RMDN1: variants seen among roughly 807,000 people sequenced by gnomAD.
The protein encoded by RMDN1 is regulator of microtubule dynamics 1.
RMDN1 carries 48 observed loss-of-function variants against 48.9 expected under a neutral mutation model. The observed-to-expected ratio is 0.98, with a 90% CI of 0.78 to 1.25. RMDN1 has a LOEUF of 1.25. Ranked by LOEUF, RMDN1 falls within the 50% of genes most tolerant of loss-of-function variation. The probability of loss-of-function intolerance (pLI) is 0.00; values close to 1 mark genes in which losing one functional copy is unlikely to be tolerated. For synonymous variants in RMDN1, 148 were observed against 132.6 expected (o/e 1.12, Z -0.80); for missense variants, 418 against 373.4 (o/e 1.12, Z -0.98).
chr8:86,476,063 T>C (rs1237628042), intron 8 of RMDN1, among the ~76,000 whole-genome samples: 2 of 152,208 alleles, frequency 1.3e-5, no homozygotes, highest in Non-Finnish European at 2.9e-5. Flanking sequence ...GCCTCTGAAC[T>C]GAATATAGGC....
At chr8:86,510,913 A>T (rs1820019985), upstream of RMDN1, among the ~76,000 whole-genome samples, 1 of 152,204 alleles carries the variant, frequency 6.6e-6, no homozygotes, top group African/African-American at 2.4e-5. Flanking sequence ...GCTTGAGCCC[A>T]GGATGTTTGA....
upstream of RMDN1, among the ~76,000 whole-genome samples, chr8:86,512,834 G>A (rs1820118540): frequency 1.3e-5 from 2 of 151,932 alleles, no homozygotes; most frequent in Admixed American, 1.3e-4. Flanking sequence ...AGCACTCTGG[G>A]AGGCCAAGGC....
At chr8:86,501,696 T>C (rs887302533) in intron 2 of RMDN1, among the ~76,000 whole-genome samples, 1 of 141,780 alleles carries the variant, frequency 7.1e-6, no homozygotes, top group African/African-American at 2.5e-5. Flanking sequence ...TAATCTCCAC[T>C]CTAACATTTT....
chr8:86,503,399 A>T (rs1818732032), intron 2 of RMDN1, among the ~76,000 whole-genome samples: 2 of 149,502 alleles, frequency 1.3e-5, no homozygotes, highest in South Asian at 4.2e-4. Context: ...ACAAAAAAAA[A>T]TAACAAAAAT....
downstream of RMDN1, among the ~76,000 whole-genome samples, chr8:86,471,472 A>ATTAT (rs1194454342): frequency 2.6e-5 from 4 of 152,188 alleles, no homozygotes; most frequent in Non-Finnish European, 5.9e-5. Flanking sequence ...TATGAATTAA[A>ATTAT]TTATTAGATA....
chr8:86,508,298 G>A, intron 1 of RMDN1, 194 bp downstream of exon 1: 1 of 537,536 alleles, frequency 1.9e-6, no homozygotes, highest in Non-Finnish European at 3.1e-6. Context: ...TTCTCTGACA[G>A]CCCCAGTTAA....
In RMDN1 at chr8:86,473,906, T is replaced by A; in HGVS notation, c.*402A>T. The A allele has an allele frequency of 2.0e-6, 2 of 1,001,184 alleles. No homozygotes were observed. The highest frequency in any genetic ancestry group is 2.4e-6 in the Non-Finnish European group (2 of 840,416). The allele number at this position is 1,001,184 out of a possible 1,614,324, so 62.0% of individuals were successfully genotyped here. On this transcript the variant is annotated 3_prime_UTR_variant, in exon 10 of 10. Coordinates refer to ENST00000406452, the MANE Select transcript of RMDN1 (RefSeq NM_016033.3). ...CATCCTAACCACTGTCACCACACCT[T>A]CTCTTCAAGATTTCAACTTAGAATC...
intron 2 of RMDN1, among the ~76,000 whole-genome samples, chr8:86,502,880 G>T (rs543638754): frequency 4.2e-4 from 64 of 152,104 alleles, no homozygotes; most frequent in Admixed American, 1.8e-3. Flanking sequence ...CTTTAAAAAT[G>T]TAAAAGAATA....
At chr8:86,489,458 T>C (rs1816081504) in intron 2 of RMDN1, among the ~76,000 whole-genome samples, 1 of 152,244 alleles carries the variant, frequency 6.6e-6, no homozygotes, top group African/African-American at 2.4e-5. Flanking sequence ...ATAAGGGTAC[T>C]GTACTACTTA....
chr8:86,472,456 TC>T lies in RMDN1; in HGVS notation c.*1851del, dbSNP rs1355712278. 7.1e-6 allele frequency: 5 copies of T among 702,530 alleles called. No individual in the cohort carries two copies. The highest frequency in any genetic ancestry group is 1.0e-5 in the Non-Finnish European group (4 of 384,978). 43.5% of individuals were successfully genotyped at this position (702,530 alleles called of 1,614,324 possible). A position where few individuals can be genotyped will look rare whatever the true frequency, so the allele number is the denominator to read the frequency against. ...CTAGAAAGACCCACTTCCTGGCCCT[TC>T]AGCTGCTTCTGTTTCTCTTCACCTA... On this transcript the variant is annotated 3_prime_UTR_variant, in exon 10 of 10. Coordinates refer to ENST00000406452, the MANE Select transcript of RMDN1 (RefSeq NM_016033.3).
At chr8:86,500,388 A>G (rs1191230571) in intron 2 of RMDN1, among the ~76,000 whole-genome samples, 7 of 152,134 alleles carry the variant, frequency 4.6e-5, no homozygotes, top group African/African-American at 9.7e-5. Context: ...ACTTCTCAAA[A>G]AAAGACATAC....
At position 86,472,654 on chromosome 8, in the gene RMDN1, C is replaced by A; in HGVS notation, c.*1654G>T. ...TTTTTTCACTGTATCAGTGGTGTGT[C>A]ATATTTTTTTTTTTGCCATCCTTGT... On this transcript the variant is annotated 3_prime_UTR_variant, in exon 10 of 10. Transcript: ENST00000406452. 1 of 558,618 alleles carries A rather than the reference C, an allele frequency of 1.8e-6. No homozygotes were observed. The highest frequency in any genetic ancestry group is 3.2e-6 in the Non-Finnish European group (1 of 316,994). The allele number at this position is 558,618 out of a possible 1,614,324, so 34.6% of individuals were successfully genotyped here. A position where few individuals can be genotyped will look rare whatever the true frequency, so the allele number is the denominator to read the frequency against.
chr8:86,505,039 C>CTGCTAAGGAGACCACCACCAATGTCTA (rs1819077744), intron 2 of RMDN1: 1 of 1,467,256 alleles, frequency 6.8e-7, no homozygotes, highest in African/African-American at 1.4e-5. Flanking sequence ...AGCATCCAGG[C>CTGCTAAGGAGACCACCACCAATGTCTA]TGCTAAGGAG....
chr8:86,514,312 C>G (rs1820198324), exon 1 of RMDN1: 1 of 979,618 alleles, frequency 1.0e-6, no homozygotes, highest in African/African-American at 1.8e-5. Context: ...AGCCTACTGG[C>G]AAGGAGCTGA....
chr8:86,491,275 C>T (rs942476320), intron 2 of RMDN1, among the ~76,000 whole-genome samples: 1 of 152,076 alleles, frequency 6.6e-6, no homozygotes, highest in Non-Finnish European at 1.5e-5. Context: ...GCTGAGACTA[C>T]AGGTGCGCAC....
intron 4 of RMDN1, among the ~76,000 whole-genome samples, chr8:86,485,280 C>T (rs1815277754): frequency 6.6e-6 from 1 of 152,060 alleles, no homozygotes; most frequent in Non-Finnish European, 1.5e-5. Flanking sequence ...CAAAAATTAG[C>T]TGGGCATGGT....
rs74422798 is a variant in RMDN1, at chr8:86,495,481, C to T, written c.248-6842G>A. Among the ~76,000 whole-genome samples, 473 of 152,144 alleles carry T rather than the reference C, an allele frequency of 3.1e-3. 5 individuals carry two copies. The highest frequency in any genetic ancestry group is 0.011 in the African/African-American group (451 of 41,514). Reference sequence around the variant, plus strand: ...GCAGCATTGCCATGGGTATCCATTCCCCAAGGTCACCATACTCCTCTAGGT... The same window carrying T: ...GCAGCATTGCCATGGGTATCCATTCTCCAAGGTCACCATACTCCTCTAGGT... On this transcript the variant is annotated intron_variant, in intron 2 of 9. Coordinates refer to ENST00000406452, the MANE Select transcript of RMDN1 (RefSeq NM_016033.3).
At chr8:86,478,431 T>C (rs896566326) in intron 7 of RMDN1, 1 of 152,308 alleles carries the variant, frequency 6.6e-6, no homozygotes, top group Non-Finnish European at 1.5e-5. Context: ...GAAATTCCTC[T>C]CAAATCTTAT....
Position 86,472,717 on chromosome 8 carries a change from A to G in RMDN1, c.*1591T>C. The G allele has an allele frequency of 2.1e-6, 1 of 481,276 alleles. No individual in the cohort carries two copies. Among genetic ancestry groups the G allele is most frequent in the Non-Finnish European group, 3.6e-6 (1 of 274,136 alleles). 29.8% of individuals were successfully genotyped at this position (481,276 alleles called of 1,614,324 possible). A position where few individuals can be genotyped will look rare whatever the true frequency, so the allele number is the denominator to read the frequency against. ...TATGTCATATTTTTTACTGTTAAGT[A>G]CTTATGCATGAATAAGTATAAGAAA... is the stretch of plus-strand genomic sequence containing the variant. On this transcript the variant is annotated 3_prime_UTR_variant, in exon 10 of 10. Coordinates refer to ENST00000406452, the MANE Select transcript of RMDN1 (RefSeq NM_016033.3).
Sources: allele counts gnomAD v4.1 joint callset (sites outside exome capture counted in the v4.1 genomes callset), GRCh38; gene constraint gnomAD v4.1.1; transcripts MANE v1.5; gene names NCBI Gene and HGNC (gene_info 2026-07-23, HGNC 2026-07-21).